Variants in UVRAG observed in about 807,000 individuals in gnomAD.
UVRAG encodes UV radiation resistance associated.
In UVRAG, 19 loss-of-function variants were observed where a neutral mutation model predicts 78.0. The observed-to-expected ratio is 0.24, with a 90% CI of 0.17 to 0.36. UVRAG has a LOEUF of 0.36. Among genes scored for constraint, UVRAG ranks in the 10% least tolerant of loss-of-function variants. The pLI is 1.00. For missense variants in UVRAG, 740 were observed against 853.8 expected (o/e 0.87, Z 1.66); for synonymous variants, 323 against 324.6 (o/e 1.00, Z 0.05).
chr11:75,851,625 C>T (rs1425804593), intron 1 of UVRAG, among the ~76,000 whole-genome samples: 1 of 152,156 alleles, frequency 6.6e-6, no homozygotes, highest in Non-Finnish European at 1.5e-5. Flanking sequence ...ACTTACATAA[C>T]GTTGGTCCTT....
chr11:76,049,043 T>C (rs1485557057), intron 12 of UVRAG, among the ~76,000 whole-genome samples: 4 of 152,218 alleles, frequency 2.6e-5, no homozygotes, highest in African/African-American at 9.6e-5. Flanking sequence ...AGACACAGCA[T>C]AGAGAAGCTC....
At chr11:76,040,225 G>A (rs1317321333) in intron 12 of UVRAG, among the ~76,000 whole-genome samples, 3 of 152,034 alleles carry the variant, frequency 2.0e-5, no homozygotes, top group South Asian at 4.2e-4. Context: ...CAGCAAAGAA[G>A]TAGAAGAAGC....
intron 9 of UVRAG, among the ~76,000 whole-genome samples, 187 bp downstream of exon 9, chr11:76,004,276 C>A (rs1050643590): frequency 6.6e-6 from 1 of 152,194 alleles, no homozygotes; most frequent in Non-Finnish European, 1.5e-5. Context: ...TGCCAGAGGT[C>A]AGTTATGAAA....
At position 75,983,342 on chromosome 11, in the gene UVRAG, A is replaced by G. The variant is rs199787614; in HGVS notation, c.700-45A>G. 32 of 1,480,590 alleles carry G rather than the reference A, an allele frequency of 2.2e-5. No individual in the cohort carries two copies. In the Admixed American group the frequency reaches 5.8e-4, roughly 27 times the overall value. The allele number at this position is 1,480,590 out of a possible 1,614,324, so 91.7% of individuals were successfully genotyped here. The stretch of plus-strand genomic sequence containing the variant: ...TGTGAGTATGTAATTATTCATAGTC[A>G]TGACATTTATATTCATAAATATACC... On this transcript the variant is annotated intron_variant, in intron 7 of 14. Coordinates refer to ENST00000356136, the MANE Select transcript of UVRAG (RefSeq NM_003369.4).
chr11:75,829,503 C>T (rs73489937), intron 1 of UVRAG, among the ~76,000 whole-genome samples: 7,740 of 152,276 alleles, frequency 0.051, 679 homozygotes, highest in African/African-American at 0.18. Flanking sequence ...TCCTCACTTA[C>T]TTAAAGTTGC....
At chr11:76,027,791 G>C (rs941935690) in intron 12 of UVRAG, among the ~76,000 whole-genome samples, 1 of 152,152 alleles carries the variant, frequency 6.6e-6, no homozygotes, top group Non-Finnish European at 1.5e-5. Context: ...TATTAAAAAT[G>C]TAATCCAGTG....
chr11:75,864,507 C>T (rs575402498), intron 3 of UVRAG, among the ~76,000 whole-genome samples: 15 of 152,360 alleles, frequency 9.8e-5, no homozygotes, highest in African/African-American at 3.6e-4. Flanking sequence ...GCCCTTCTTG[C>T]TGCCTCTGAA....
At chr11:75,932,918 G>A (rs769285201) in intron 6 of UVRAG, among the ~76,000 whole-genome samples, 4 of 152,128 alleles carry the variant, frequency 2.6e-5, no homozygotes, top group Non-Finnish European at 5.9e-5. Context: ...TTGTTGAAAT[G>A]TCTGTTCTAC....
chr11:76,097,235 C>T (rs1037140818), intron 13 of UVRAG, among the ~76,000 whole-genome samples: 1 of 152,130 alleles, frequency 6.6e-6, no homozygotes, highest in Non-Finnish European at 1.5e-5. Flanking sequence ...TCTGGGGCAC[C>T]TGGAATTCAG....
chr11:76,083,874 C>T (rs1021012719), intron 13 of UVRAG, among the ~76,000 whole-genome samples: 1 of 152,150 alleles, frequency 6.6e-6, no homozygotes, highest in Non-Finnish European at 1.5e-5. Context: ...TTCAGGAGAT[C>T]AAAAGAGACT....
Position 75,983,386 on chromosome 11 carries a change from G to GAAA in UVRAG, c.707_709dup (p.Lys236dup). 1 of 1,414,960 alleles carries GAAA rather than the reference G, an allele frequency of 7.1e-7. No homozygotes were observed. The highest frequency in any genetic ancestry group is 9.6e-7 in the Non-Finnish European group (1 of 1,040,104). The allele number at this position is 1,414,960 out of a possible 1,614,324, so 87.7% of individuals were successfully genotyped here. On this transcript the variant is annotated inframe_insertion and splice_region_variant. Transcript: ENST00000356136. ...ATATACCTGTGATTTTATTTATTTA[G>GAAA]AAAAAAAAAAGTGAATGCCTGCAGT...
chr11:76,078,752 C>CAAAA (rs61700855), intron 13 of UVRAG, among the ~76,000 whole-genome samples: 18 of 37,202 alleles, frequency 4.8e-4, no homozygotes, highest in African/African-American at 6.8e-4. Flanking sequence ...ACTAAAAATA[C>CAAAA]AAAAAAAAAA....
At chr11:75,979,389 A>C (rs141558812) in intron 7 of UVRAG, 1 of 152,012 alleles carries the variant, frequency 6.6e-6, no homozygotes, top group African/African-American at 2.4e-5. Context: ...GAGAACCACT[A>C]CTCTCTTCAA....
At chr11:75,832,162 T>G (rs963864281) in intron 1 of UVRAG, among the ~76,000 whole-genome samples, 5 of 152,180 alleles carry the variant, frequency 3.3e-5, no homozygotes, top group African/African-American at 1.2e-4. Flanking sequence ...AACAAATATG[T>G]TGGGTTTTCC....
At chr11:76,004,542 C>T (rs145535474) in intron 9 of UVRAG, among the ~76,000 whole-genome samples, 1 of 151,930 alleles carries the variant, frequency 6.6e-6, no homozygotes, top group Non-Finnish European at 1.5e-5. Context: ...GATCAGACCT[C>T]TCCTCTTAAA....
intron 13 of UVRAG, among the ~76,000 whole-genome samples, chr11:76,070,551 C>T (rs1951283601): frequency 6.6e-6 from 1 of 152,156 alleles, no homozygotes; most frequent in South Asian, 2.1e-4. Flanking sequence ...TACCTTCAAA[C>T]ATCTTGTACC....
intron 14 of UVRAG, among the ~76,000 whole-genome samples, chr11:76,136,462 A>G (rs1458931318): frequency 1.3e-5 from 2 of 151,330 alleles, no homozygotes; most frequent in African/African-American, 4.9e-5. Flanking sequence ...AGGATGTAGC[A>G]TTCTGTATAT....
At chr11:76,048,486 A>G (rs868789397) in intron 12 of UVRAG, among the ~76,000 whole-genome samples, 4 of 152,342 alleles carry the variant, frequency 2.6e-5, no homozygotes, top group Non-Finnish European at 2.9e-5. Context: ...GGGATTGACT[A>G]TGACAACCTA....
chr11:76,030,062 A>G (rs956028782), intron 12 of UVRAG, among the ~76,000 whole-genome samples: 2 of 152,068 alleles, frequency 1.3e-5, no homozygotes, highest in Admixed American at 1.3e-4. Flanking sequence ...TAAACTATAT[A>G]TTTTGTATTT....
Sources: allele counts gnomAD v4.1 joint callset (sites outside exome capture counted in the v4.1 genomes callset), GRCh38; gene constraint gnomAD v4.1.1; transcripts MANE v1.5; gene names NCBI Gene and HGNC (gene_info 2026-07-23, HGNC 2026-07-21).